Variants in ANKRD28 observed in about 807,000 individuals in gnomAD.
The protein encoded by ANKRD28 is ankyrin repeat domain 28.
A neutral mutation model predicts 126.5 loss-of-function variants in ANKRD28; 44 were observed. That is an observed-to-expected ratio of 0.35 (90% CI 0.27 to 0.45). ANKRD28 has a LOEUF of 0.45. ANKRD28 is among the 20% of genes least tolerant of loss of function. The pLI, the probability that ANKRD28 is intolerant of heterozygous loss-of-function variation, is 1.00. For missense variants in ANKRD28, 1,110 were observed against 1,316.6 expected (o/e 0.84, Z 2.43); for synonymous variants, 442 against 468.5 (o/e 0.94, Z 0.73).
chr3:15,718,483 T>TA (rs1402726716), intron 8 of ANKRD28, among the ~76,000 whole-genome samples: 5 of 152,308 alleles, frequency 3.3e-5, no homozygotes, highest in African/African-American at 1.2e-4. Flanking sequence ...GTGGGCCTCT[T>TA]AGAGGACTGA....
intron 15 of ANKRD28, among the ~76,000 whole-genome samples, chr3:15,695,500 A>G (rs2069403403): frequency 6.6e-6 from 1 of 152,146 alleles, no homozygotes; most frequent in Non-Finnish European, 1.5e-5. Context: ...CTTGTTTTAT[A>G]TCTACGCTCG....
At chr3:15,790,900 C>T (rs923198921) in intron 2 of ANKRD28, among the ~76,000 whole-genome samples, 1 of 151,916 alleles carries the variant, frequency 6.6e-6, no homozygotes, top group African/African-American at 2.4e-5. Context: ...CTAAACATTC[C>T]ACAAGAAAAC....
chr3:15,846,736 G>A lies in ANKRD28; in HGVS notation c.27+12641C>T, dbSNP rs1387354579. 1.3e-5 allele frequency among the ~76,000 whole-genome samples: 2 copies of A among 152,184 alleles called. No individual in the cohort carries two copies. Among genetic ancestry groups the A allele is most frequent in the East Asian group, 3.8e-4 (2 of 5,200 alleles). On this transcript the variant is annotated intron_variant, in intron 1 of 27. Coordinates refer to the ANKRD28 transcript ENST00000399451. This position sits in a 1 kb window ranked among gnomAD's most constrained non-coding sequence, Gnocchi z 5.4. ...TCTATGTTAATGATCAGCTGGGTGT[G>A]CCTGAGGAGGCTGGAGACAACCCAG...
In ANKRD28 at chr3:15,839,409, T is replaced by A. The variant is rs986942183; in HGVS notation, c.27+19968A>T. ...GAATTACAGCTGGAGAGAACCAAAGTGGGTAAAAGGGAAGATTTTCTGACA... is the reference window on the plus strand; with the variant it reads ...GAATTACAGCTGGAGAGAACCAAAGAGGGTAAAAGGGAAGATTTTCTGACA... On this transcript the variant is annotated intron_variant, in intron 1 of 27. Transcript: ENST00000399451. The surrounding 1 kb of genome is among the most constrained non-coding windows in gnomAD (Gnocchi z 4.3). Among the ~76,000 whole-genome samples the A allele has an allele frequency of 1.3e-5, 2 of 150,922 alleles. No individual in the cohort carries two copies. The highest frequency in any genetic ancestry group is 2.4e-5 in the African/African-American group (1 of 40,980).
chr3:15,676,106 C>T (rs1017680320), intron 26 of ANKRD28, 117 bp from the exon 27 acceptor site: 15 of 707,910 alleles, frequency 2.1e-5, no homozygotes, highest in South Asian at 6.6e-5. Flanking sequence ...GGTACAAACT[C>T]GAGAAACCTA....
chr3:15,706,032 A>C (rs1436810948), intron 14 of ANKRD28, among the ~76,000 whole-genome samples: 1 of 132,386 alleles, frequency 7.6e-6, no homozygotes, highest in African/African-American at 2.9e-5. Flanking sequence ...CAACAAAAAA[A>C]CCCACAAAAA....
Position 15,690,127 on chromosome 3 carries a change from G to A in ANKRD28, c.1855C>T (p.Leu619Phe), listed in dbSNP as rs773491288. Residue 619 changes from leucine (L) to phenylalanine (F), a missense_variant, in exon 18 of 28, where the codon CTT (leucine) becomes TTT (phenylalanine). By Grantham distance (22) the Leu-to-Phe change is conservative. Coordinates refer to ENST00000683139, the MANE Select transcript of ANKRD28 (RefSeq NM_001349278.2). ...TCAACATGGCCCTTAAAAGCTGCAAGATCTAGGGGTGTTCTTCCACTACTA... is the reference window on the plus strand; with the variant it reads ...TCAACATGGCCCTTAAAAGCTGCAAAATCTAGGGGTGTTCTTCCACTACTA... The part of the protein sequence containing the change: ...RNSSGRTPLD[L>F]AAFKGHVECV... The A allele has an allele frequency of 1.2e-6, 2 of 1,611,130 alleles. No individual in the cohort carries two copies. Among genetic ancestry groups the A allele is most frequent in the South Asian group, 2.2e-5 (2 of 90,276 alleles).
chr3:15,791,265 A>G (rs1272652719), intron 2 of ANKRD28, among the ~76,000 whole-genome samples: 1 of 152,018 alleles, frequency 6.6e-6, no homozygotes, highest in Non-Finnish European at 1.5e-5. Flanking sequence ...TAGAAAAAAT[A>G]CTAAAATTTA....
At position 15,804,837 on chromosome 3, in the gene ANKRD28, G is replaced by A. The variant is rs2060542937; in HGVS notation, c.28-9531C>T. ...AACATGATCCAGATGTGGAACTGGG[G>A]TATGAGATGTGACAGATGATAGCAA... On this transcript the variant is annotated intron_variant, in intron 1 of 27. Coordinates refer to the ANKRD28 transcript ENST00000399451. Among the ~76,000 whole-genome samples the A allele has an allele frequency of 1.4e-5, 2 of 145,598 alleles. 1 individual carries two copies. The highest frequency in any genetic ancestry group is 6.0e-4 in the East Asian group (2 of 3,328).
chr3:15,721,127 T>C lies in ANKRD28; in HGVS notation c.784A>G (p.Met262Val). 1.2e-6 allele frequency: 2 copies of C among 1,608,488 alleles called. No individual in the cohort carries two copies. Among genetic ancestry groups the C allele is most frequent in the Non-Finnish European group, 8.5e-7 (1 of 1,177,850 alleles). Reference sequence around the variant, plus strand: ...TTTCCATAGGCATTTGGTTCATTCATCTATTAGAAGGGAAAAAAATGCGAA... The same window carrying C: ...TTTCCATAGGCATTTGGTTCATTCACCTATTAGAAGGGAAAAAAATGCGAA... The part of the protein sequence containing the change: ...VKYLLDLGVD[M>V]NEPNAYGNTP... Residue 262 changes from methionine (M) to valine (V), a missense_variant and splice_region_variant, in exon 8 of 28, where the codon ATG (methionine) becomes GTG (valine). Physicochemically the swap from Met to Val is conservative, Grantham distance 21. Transcript: ENST00000683139.
chr3:15,686,345 T>C (rs1187425388), intron 18 of ANKRD28, 36 bp from the exon 19 acceptor site: 4 of 1,441,324 alleles, frequency 2.8e-6, no homozygotes, highest in Non-Finnish European at 3.8e-6. Flanking sequence ...AGTAATTACA[T>C]ATAATGATAA....
At chr3:15,809,213 A>G (rs1197083525) in intron 1 of ANKRD28, among the ~76,000 whole-genome samples, 2 of 152,196 alleles carry the variant, frequency 1.3e-5, no homozygotes, top group Non-Finnish European at 2.9e-5. Context: ...CATTTTACAT[A>G]AAGTTTTCCT....
At chr3:15,859,411 GCCTCCGCGCCCACTCCAGCCTCCTCCT>G in exon 1 of ANKRD28, 1 of 1,524,912 alleles carries the variant, frequency 6.6e-7, no homozygotes, top group East Asian at 2.6e-5. Flanking sequence ...CATGGCGGTC[GCCTCCGCGCCCACTCCAGCCTCCTCCT>G]CCTCCGCCGC....
Position 15,699,211 on chromosome 3 carries a change from C to G in ANKRD28, c.1548-2966G>C, listed in dbSNP as rs550287976. ...ATATGTAGAAAGCTGAAACTGGATC[C>G]CTTCCTTACACTATATACAAAAATT... On this transcript the variant is annotated intron_variant, in intron 14 of 27. Coordinates refer to ENST00000683139, the MANE Select transcript of ANKRD28 (RefSeq NM_001349278.2). Among the ~76,000 whole-genome samples the G allele has an allele frequency of 5.9e-4, 90 of 152,224 alleles. No homozygotes were observed. In the South Asian group the frequency reaches 0.019, roughly 32 times the overall value.
chr3:15,745,676 T>G (rs2057429255), intron 4 of ANKRD28, among the ~76,000 whole-genome samples: 1 of 152,200 alleles, frequency 6.6e-6, no homozygotes, highest in Non-Finnish European at 1.5e-5. Context: ...TGCTTAGTCT[T>G]GCTTTGGCTA....
At position 15,796,759 on chromosome 3, in the gene ANKRD28, G is replaced by A; in HGVS notation, c.-238C>T. On this transcript the variant is annotated 5_prime_UTR_variant, in exon 1 of 28. Coordinates refer to ENST00000683139, the MANE Select transcript of ANKRD28 (RefSeq NM_001349278.2). ...ATTCTATTATTTCTGTTGGATTACTGCAATACTTAAGAAGAAATTTCACAC... is the reference window on the plus strand; with the variant it reads ...ATTCTATTATTTCTGTTGGATTACTACAATACTTAAGAAGAAATTTCACAC... 1 of 987,214 alleles carries A rather than the reference G, an allele frequency of 1.0e-6. No individual in the cohort carries two copies. Among genetic ancestry groups the A allele is most frequent in the Non-Finnish European group, 1.2e-6 (1 of 830,566 alleles). The allele number at this position is 987,214 out of a possible 1,614,324, so 61.2% of individuals were successfully genotyped here.
In ANKRD28 at chr3:15,833,619, C is replaced by G. The variant is rs1030546005; in HGVS notation, c.27+25758G>C. ...CCTCTAGAGAACCCTAATACAGCAC[C>G]CTTGGCAACATCTGTTGTTTTTTTG... On this transcript the variant is annotated intron_variant, in intron 1 of 27. Transcript: ENST00000399451. The surrounding 1 kb of genome is among the most constrained non-coding windows in gnomAD (Gnocchi z 4.4). 6.6e-6 allele frequency among the ~76,000 whole-genome samples: 1 copy of G among 151,030 alleles called. No homozygotes were observed. Among genetic ancestry groups the G allele is most frequent in the Admixed American group, 6.6e-5 (1 of 15,146 alleles).
At chr3:15,721,211 C>CT in intron 7 of ANKRD28, 84 bp from the exon 8 acceptor site, 3 of 1,111,094 alleles carry the variant, frequency 2.7e-6, no homozygotes, top group South Asian at 1.5e-5. Context: ...CCTGTGGTTG[C>CT]AATCAAATTA....
chr3:15,711,683 GTTTTCTGTATTTTT>G (rs891651153), intron 11 of ANKRD28, among the ~76,000 whole-genome samples: 2 of 151,642 alleles, frequency 1.3e-5, no homozygotes, highest in Non-Finnish European at 2.9e-5. Flanking sequence ...GGATGAAGAG[GTTTTCTGTATTTTT>G]TTTTTTTGAG....
Sources: allele counts gnomAD v4.1 joint callset (sites outside exome capture counted in the v4.1 genomes callset), GRCh38; gene constraint gnomAD v4.1.1; non-coding constraint Gnocchi (gnomAD v3.1); transcripts MANE v1.5; gene names NCBI Gene and HGNC (gene_info 2026-07-23, HGNC 2026-07-21).